The following DLGAP2 variants were observed in gnomAD, a reference collection of about 807,000 sequenced individuals.
DLGAP2 encodes the protein disks large-associated protein 2.
A neutral mutation model predicts 100.3 loss-of-function variants in DLGAP2; 26 were observed. The ratio of observed to expected loss-of-function variants is 0.26; its 90% CI spans 0.19 to 0.36. DLGAP2 has a LOEUF of 0.36. Ranked by LOEUF, DLGAP2 falls within the 10% of genes least tolerant of loss-of-function variation. The probability of loss-of-function intolerance (pLI) is 1.00; values close to 1 mark genes in which losing one functional copy is unlikely to be tolerated. For synonymous variants in DLGAP2, 886 were observed against 630.1 expected (o/e 1.41, Z -6.08); for missense variants, 1,858 against 1,453.2 (o/e 1.28, Z -4.53).
chr8:1,097,530 C>A (rs1254556757), intron 2 of DLGAP2, among the ~76,000 whole-genome samples: 1 of 138,324 alleles, frequency 7.2e-6, no homozygotes, highest in Admixed American at 7.3e-5. Context: ...AGCGTGAGAC[C>A]CACCTCCCTC....
intron 3 of DLGAP2, among the ~76,000 whole-genome samples, chr8:1,329,790 T>G (rs1801106918): frequency 6.6e-6 from 1 of 152,216 alleles, no homozygotes; most frequent in African/African-American, 2.4e-5. Context: ...TTAGCACTGC[T>G]GTGAGCCCTA....
chr8:919,450 C>A (rs913741075), intron 2 of DLGAP2, among the ~76,000 whole-genome samples: 1 of 152,132 alleles, frequency 6.6e-6, no homozygotes, highest in Non-Finnish European at 1.5e-5. Context: ...GTGAGTCCCC[C>A]CTGCTGATGA....
rs1007957788 is a variant in DLGAP2, at chr8:994,636, C to T, written c.73+86670C>T. 2.1e-4 allele frequency among the ~76,000 whole-genome samples: 32 copies of T among 152,300 alleles called. No individual in the cohort carries two copies. In the East Asian group the frequency reaches 4.4e-3, roughly 21 times the overall value. ...TAGGTGGGAGGGCTTGGGATGGATGCATCCTTGCCTTTTAAGATGCATTTA... is the reference window on the plus strand; with the variant it reads ...TAGGTGGGAGGGCTTGGGATGGATGTATCCTTGCCTTTTAAGATGCATTTA... On this transcript the variant is annotated intron_variant, in intron 2 of 14. Coordinates refer to ENST00000637795, the MANE Select transcript of DLGAP2 (RefSeq NM_001346810.2).
At chr8:1,434,464 G>T (rs567620099) in intron 3 of DLGAP2, among the ~76,000 whole-genome samples, 32 of 151,464 alleles carry the variant, frequency 2.1e-4, no homozygotes, top group African/African-American at 7.7e-4. Context: ...TCCCGGGAGT[G>T]TCAGCATTTT....
chr8:1,517,147 G>T (rs1363757852), intron 4 of DLGAP2, among the ~76,000 whole-genome samples: 1 of 152,150 alleles, frequency 6.6e-6, no homozygotes, highest in African/African-American at 2.4e-5. Context: ...GACCCCCATG[G>T]CTGTGGGTGG....
At chr8:1,360,364 C>T (rs1183050024) in intron 3 of DLGAP2, among the ~76,000 whole-genome samples, 2 of 152,040 alleles carry the variant, frequency 1.3e-5, no homozygotes, top group Non-Finnish European at 2.9e-5. Context: ...GCCCAGGGTG[C>T]AGCTAGAGGC....
At chr8:1,573,407 G>A (rs1180780248) in intron 6 of DLGAP2, among the ~76,000 whole-genome samples, 1 of 149,626 alleles carries the variant, frequency 6.7e-6, no homozygotes, top group African/African-American at 2.5e-5. Context: ...TGAACTGTGG[G>A]GGCGTCTGAT....
At chr8:996,107 C>T (rs1166460370) in intron 2 of DLGAP2, among the ~76,000 whole-genome samples, 2 of 152,186 alleles carry the variant, frequency 1.3e-5, no homozygotes, top group African/African-American at 2.4e-5. Context: ...GACCAGTATG[C>T]TGTGTTCTTC....
At chr8:962,704 C>G (rs1447339154) in intron 2 of DLGAP2, among the ~76,000 whole-genome samples, 1 of 152,120 alleles carries the variant, frequency 6.6e-6, no homozygotes, top group Non-Finnish European at 1.5e-5. Flanking sequence ...AGAGTGGAAC[C>G]CTCCCTGGAG....
intron 2 of DLGAP2, among the ~76,000 whole-genome samples, chr8:912,659 T>A (rs184138903): frequency 1.4e-5 from 2 of 148,106 alleles, no homozygotes; most frequent in Admixed American, 6.7e-5. Context: ...CACCACAGTG[T>A]CCATCTTCCT....
intron 3 of DLGAP2, among the ~76,000 whole-genome samples, chr8:1,321,524 C>G (rs1311956496): frequency 6.6e-6 from 1 of 152,242 alleles, no homozygotes; most frequent in African/African-American, 2.4e-5. Context: ...CATGGGAGGA[C>G]TTGTTCACTG....
intron 1 of DLGAP2, among the ~76,000 whole-genome samples, chr8:884,490 T>TC (rs542208530): frequency 4.9e-4 from 75 of 152,200 alleles, no homozygotes; most frequent in African/African-American, 1.8e-3. Context: ...GTTTTTTTTT[T>TC]CCTGTAAATA....
intron 3 of DLGAP2, among the ~76,000 whole-genome samples, chr8:1,317,622 C>T (rs1006088196): frequency 6.3e-5 from 9 of 143,930 alleles, no homozygotes; most frequent in Admixed American, 1.4e-4. Flanking sequence ...GTCTCTCCAA[C>T]AGTGGTCTAC....
intron 1 of DLGAP2, chr8:738,845 G>A (rs1321387876): frequency 2.0e-5 from 3 of 152,550 alleles, no homozygotes; most frequent in African/African-American, 7.2e-5. Flanking sequence ...CCGGCGAGAA[G>A]GCGGAGCCCC....
intron 1 of DLGAP2, among the ~76,000 whole-genome samples, chr8:894,102 A>G (rs1042659490): frequency 3.9e-5 from 6 of 152,116 alleles, no homozygotes; most frequent in African/African-American, 1.4e-4. Context: ...GCCCTCTCGG[A>G]GCAGTGTGCG....
chr8:1,088,057 G>A (rs1287013504), intron 2 of DLGAP2, among the ~76,000 whole-genome samples: 1 of 152,242 alleles, frequency 6.6e-6, no homozygotes, highest in Admixed American at 6.5e-5. Context: ...TCACACCACT[G>A]CCAAAATGGA....
In DLGAP2 at chr8:861,718, C is replaced by T. The variant is rs148080475; in HGVS notation, c.19-46194C>T. Among the ~76,000 whole-genome samples, 616 of 152,264 alleles carry T rather than the reference C, an allele frequency of 4.0e-3. 3 individuals carry two copies. The highest frequency in any genetic ancestry group is 0.014 in the African/African-American group (566 of 41,546). ...TTAGCTATGGCGGTTGCAAACCTGG[C>T]GAGGCCTCCGTTCCTACTCAAGGGA... is the stretch of plus-strand genomic sequence containing the variant. On this transcript the variant is annotated intron_variant, in intron 1 of 14. Transcript: ENST00000637795.
chr8:1,615,132 G>A (rs1360219644), intron 6 of DLGAP2, among the ~76,000 whole-genome samples: 2 of 152,198 alleles, frequency 1.3e-5, no homozygotes, highest in African/African-American at 2.4e-5. Flanking sequence ...CATGGAGGGA[G>A]ACCCCAAAGT....
intron 6 of DLGAP2, among the ~76,000 whole-genome samples, chr8:1,588,186 A>C (rs946784424): frequency 3.9e-5 from 6 of 152,218 alleles, no homozygotes; most frequent in African/African-American, 1.2e-4. Context: ...AGTTCAGCTA[A>C]ATACTTCTGT....
Sources: allele counts gnomAD v4.1 joint callset (sites outside exome capture counted in the v4.1 genomes callset), GRCh38; gene constraint gnomAD v4.1.1; transcripts MANE v1.5; gene names NCBI Gene and HGNC (gene_info 2026-07-23, HGNC 2026-07-21).